GNG12: variants seen among roughly 807,000 people sequenced by gnomAD.
The protein encoded by GNG12 is G protein subunit gamma 12, also known as guanine nucleotide-binding protein G(I)/G(S)/G(O) subunit gamma-12.
For synonymous variants in GNG12, 28 were observed against 29.7 expected (o/e 0.94, Z 0.19); for missense variants, 69 against 83.8 (o/e 0.82, Z 0.69).
chr1:67,813,116 C>T (rs1396330199), intron 1 of GNG12, among the ~76,000 whole-genome samples: 2 of 152,218 alleles, frequency 1.3e-5, no homozygotes, highest in African/African-American at 4.8e-5. Flanking sequence ...TCTGGCCACT[C>T]TTCTTTCCAA....
chr1:67,816,812 C>G (rs1337269386), intron 1 of GNG12, among the ~76,000 whole-genome samples: 1 of 152,162 alleles, frequency 6.6e-6, no homozygotes, highest in African/African-American at 2.4e-5. Flanking sequence ...AGCACAAAAG[C>G]AGGAGAACAA....
rs147490766 is a variant in GNG12, at chr1:67,795,315, C to T, written c.-76-17808G>A. ...GTCCACTTTCCACCTAGAAGTCTGA[C>T]GGACACCATGCCTGCAAGATGGCAG... On this transcript the variant is annotated intron_variant, in intron 1 of 3. Transcript: ENST00000370982. Among the ~76,000 whole-genome samples, 387 of 152,272 alleles carry T rather than the reference C, an allele frequency of 2.5e-3. 2 individuals carry two copies. Among genetic ancestry groups the T allele is most frequent in the African/African-American group, 8.2e-3 (341 of 41,560 alleles).
At chr1:67,745,306 ATTG>A (rs1646502086) in intron 2 of GNG12, among the ~76,000 whole-genome samples, 2 of 152,190 alleles carry the variant, frequency 1.3e-5, no homozygotes, top group Admixed American at 1.3e-4. Flanking sequence ...TTCCATCTGA[ATTG>A]TTGATGTGAA....
chr1:67,759,256 T>C (rs547716), intron 2 of GNG12, among the ~76,000 whole-genome samples: 12,912 of 152,238 alleles, frequency 0.085, 688 homozygotes, highest in African/African-American at 0.13. Context: ...CCAGAGGGCA[T>C]GTGGCTTTGG....
At chr1:67,811,966 TAAGTA>T (rs906009078) in intron 1 of GNG12, among the ~76,000 whole-genome samples, 11 of 152,036 alleles carry the variant, frequency 7.2e-5, no homozygotes, top group Admixed American at 5.9e-4. Context: ...AGGCTGACAA[TAAGTA>T]AAGGAGCCAA....
At chr1:67,818,822 G>T (rs1646969291) in intron 1 of GNG12, among the ~76,000 whole-genome samples, 1 of 152,122 alleles carries the variant, frequency 6.6e-6, no homozygotes, top group Non-Finnish European at 1.5e-5. Context: ...TATCTGTGAG[G>T]TAAGTGCTAT....
chr1:67,804,958 T>C (rs1458145603), intron 1 of GNG12, among the ~76,000 whole-genome samples: 2 of 152,284 alleles, frequency 1.3e-5, no homozygotes, highest in East Asian at 3.9e-4. Context: ...TTCTGAAATA[T>C]ACCAGAACAT....
chr1:67,813,915 A>G lies in GNG12; in HGVS notation c.-77+19429T>C, dbSNP rs531228913. On this transcript the variant is annotated intron_variant, in intron 1 of 3. Transcript: ENST00000370982. ...TGTAAGTATTCATATATATATGTGT[A>G]TATATATATGTATATAGTAGTATAT... 4.1e-3 allele frequency among the ~76,000 whole-genome samples: 622 copies of G among 152,022 alleles called. 2 individuals carry two copies. The highest frequency in any genetic ancestry group is 0.014 in the African/African-American group (595 of 41,508).
chr1:67,776,071 A>G (rs1646703713), intron 2 of GNG12, among the ~76,000 whole-genome samples: 1 of 152,138 alleles, frequency 6.6e-6, no homozygotes, highest in Non-Finnish European at 1.5e-5. Flanking sequence ...GTCCTGAAAG[A>G]TAAACTGAAG....
chr1:67,791,670 T>C (rs1557619259), intron 1 of GNG12, among the ~76,000 whole-genome samples: 1 of 152,130 alleles, frequency 6.6e-6, no homozygotes. Context: ...AATCCAATCA[T>C]GCGTTGGCAT....
intron 2 of GNG12, among the ~76,000 whole-genome samples, chr1:67,746,906 TA>T (rs1468095807): frequency 6.6e-6 from 1 of 151,940 alleles, no homozygotes; most frequent in East Asian, 1.9e-4. Context: ...TAAACATTCC[TA>T]AAGCAAATAA....
chr1:67,774,047 G>C (rs147175752), intron 2 of GNG12, among the ~76,000 whole-genome samples: 1 of 152,282 alleles, frequency 6.6e-6, no homozygotes, highest in East Asian at 1.9e-4. Flanking sequence ...TACCTACAGA[G>C]ATGTTGTCGG....
At chr1:67,743,947 T>C (rs1053678991) in intron 2 of GNG12, among the ~76,000 whole-genome samples, 1 of 152,188 alleles carries the variant, frequency 6.6e-6, no homozygotes, top group Non-Finnish European at 1.5e-5. Flanking sequence ...AAACGGTTAG[T>C]AGAAATAACA....
chr1:67,794,003 T>TA (rs1405641911), intron 1 of GNG12, among the ~76,000 whole-genome samples: 2 of 152,156 alleles, frequency 1.3e-5, no homozygotes, highest in Non-Finnish European at 2.9e-5. Context: ...TAAACTCTCA[T>TA]AGAGAGACAT....
intron 1 of GNG12, among the ~76,000 whole-genome samples, chr1:67,786,001 AT>A (rs1404277156): frequency 1.2e-4 from 18 of 152,334 alleles, no homozygotes; most frequent in African/African-American, 4.3e-4. Context: ...TCAGATAAAA[AT>A]ATGGGACATC....
intron 1 of GNG12, among the ~76,000 whole-genome samples, chr1:67,798,952 CA>C (rs1646847903): frequency 1.4e-5 from 2 of 147,102 alleles, no homozygotes; most frequent in African/African-American, 5.0e-5. Flanking sequence ...GGCTGTCTCA[CA>C]AAAAAAATAT....
chr1:67,764,197 G>A (rs1227369263), intron 2 of GNG12, among the ~76,000 whole-genome samples: 1 of 152,124 alleles, frequency 6.6e-6, no homozygotes, highest in African/African-American at 2.4e-5. Context: ...ACACAGGCTG[G>A]TGCAACAATG....
At chr1:67,801,601 T>A (rs1019418711) in intron 1 of GNG12, among the ~76,000 whole-genome samples, 1 of 152,110 alleles carries the variant, frequency 6.6e-6, no homozygotes, top group African/African-American at 2.4e-5. Flanking sequence ...CAGCGATACC[T>A]GGGATGGCTT....
intron 2 of GNG12, among the ~76,000 whole-genome samples, chr1:67,720,243 C>A (rs912265233): frequency 6.6e-5 from 10 of 152,224 alleles, no homozygotes; most frequent in African/African-American, 2.4e-4. Context: ...ACCATGCACA[C>A]TCATCCTGTG....
Sources: allele counts gnomAD v4.1 joint callset (sites outside exome capture counted in the v4.1 genomes callset), GRCh38; gene constraint gnomAD v4.1.1; transcripts MANE v1.5; gene names NCBI Gene and HGNC (gene_info 2026-07-23, HGNC 2026-07-21).